The following ANTXR2 variants were observed in gnomAD, a reference collection of about 807,000 sequenced individuals.
ANTXR2 encodes the protein anthrax toxin receptor 2.
Under a neutral mutation model 73.7 loss-of-function variants are expected in ANTXR2, and 44 were observed. The ratio of observed to expected loss-of-function variants is 0.60; its 90% CI spans 0.47 to 0.77. The LOEUF is 0.77. ANTXR2 is among the 30% of genes least tolerant of loss of function. The pLI is 0.00. For missense variants in ANTXR2, 604 were observed against 592.5 expected (o/e 1.02, Z -0.20); for synonymous variants, 217 against 205.9 (o/e 1.05, Z -0.46).
At chr4:80,020,546 T>C (rs968301556) in intron 10 of ANTXR2, among the ~76,000 whole-genome samples, 1 of 152,320 alleles carries the variant, frequency 6.6e-6, no homozygotes, top group Non-Finnish European at 1.5e-5. Flanking sequence ...ACAATAGCCC[T>C]TGAAGTAAAT....
intron 12 of ANTXR2, among the ~76,000 whole-genome samples, chr4:80,006,453 C>T (rs1422670312): frequency 1.3e-5 from 2 of 151,962 alleles, no homozygotes; most frequent in Non-Finnish European, 1.5e-5. Context: ...CTTATATGAA[C>T]TTATAAGGGC....
chr4:80,004,569 T>C (rs1419087424), intron 12 of ANTXR2, among the ~76,000 whole-genome samples: 3 of 152,080 alleles, frequency 2.0e-5, no homozygotes, highest in African/African-American at 7.2e-5. Context: ...TGTGGCTGCA[T>C]CACTCCAATT....
chr4:79,989,385 A>G (rs1297363050), intron 12 of ANTXR2, among the ~76,000 whole-genome samples: 1 of 152,082 alleles, frequency 6.6e-6, no homozygotes, highest in African/African-American at 2.4e-5. Flanking sequence ...TAAAAAATCT[A>G]GAAAAACATG....
At chr4:80,049,221 C>A (rs1733663095) in intron 7 of ANTXR2, among the ~76,000 whole-genome samples, 1 of 151,678 alleles carries the variant, frequency 6.6e-6, no homozygotes, top group Admixed American at 6.6e-5. Context: ...TTTATTCTTT[C>A]CATATTATTC....
At chr4:79,910,555 CA>C (rs1190848131) in intron 16 of ANTXR2, among the ~76,000 whole-genome samples, 3 of 131,544 alleles carry the variant, frequency 2.3e-5, no homozygotes, top group East Asian at 2.1e-4. Context: ...AAAACAAAAA[CA>C]AAAAAAACAG....
At chr4:79,925,028 A>G (rs560346883) in intron 16 of ANTXR2, among the ~76,000 whole-genome samples, 10 of 152,280 alleles carry the variant, frequency 6.6e-5, no homozygotes, top group African/African-American at 2.4e-4. Flanking sequence ...TTAAGATTTA[A>G]ATGTGAAAGA....
intron 16 of ANTXR2, among the ~76,000 whole-genome samples, chr4:79,956,424 A>G (rs1728887629): frequency 6.6e-6 from 1 of 152,114 alleles, no homozygotes; most frequent in Non-Finnish European, 1.5e-5. Flanking sequence ...GACAGCATGG[A>G]ATAACGAGCG....
In ANTXR2 at chr4:80,071,846, G is replaced by A. The variant is rs559664567; in HGVS notation, c.153-192C>T. ...GAAGTCAGTCCCAGAGCAAGACTCC[G>A]TCAAAAAAAAAAAGAAGAAGAAGAA... On this transcript the variant is annotated intron_variant, in intron 1 of 16. Transcript: ENST00000403729. Among the ~76,000 whole-genome samples the A allele has an allele frequency of 3.3e-5, 5 of 151,470 alleles. No homozygotes were observed. In the South Asian group the frequency reaches 1.0e-3, roughly 32 times the overall value.
chr4:80,069,397 C>G (rs1166650105), intron 3 of ANTXR2, 39 bp downstream of exon 3: 1 of 1,468,806 alleles, frequency 6.8e-7, no homozygotes, highest in South Asian at 1.2e-5. Flanking sequence ...TAAAATTCAT[C>G]TCTACTAAAA....
chr4:80,011,433 C>A (rs1731582365), intron 11 of ANTXR2, among the ~76,000 whole-genome samples: 1 of 152,048 alleles, frequency 6.6e-6, no homozygotes, highest in South Asian at 2.1e-4. Flanking sequence ...AACTATGGCA[C>A]AAAGGTCAAA....
At chr4:80,010,048 T>G (rs1459475439) in intron 11 of ANTXR2, among the ~76,000 whole-genome samples, 16 of 10,104 alleles carry the variant, frequency 1.6e-3, no homozygotes, top group East Asian at 0.045. Context: ...GTTTTGTGGT[T>G]TTTTTTTTTA....
At chr4:80,000,083 C>A (rs1279105569) in intron 12 of ANTXR2, among the ~76,000 whole-genome samples, 1 of 151,916 alleles carries the variant, frequency 6.6e-6, no homozygotes, top group Non-Finnish European at 1.5e-5. Flanking sequence ...TTTTTTTCCA[C>A]ATAAATTCAC....
intron 10 of ANTXR2, among the ~76,000 whole-genome samples, chr4:80,029,758 CA>C (rs1266284504): frequency 2.0e-5 from 3 of 151,550 alleles, no homozygotes; most frequent in Middle Eastern, 3.2e-3. Flanking sequence ...AGTTCTACAT[CA>C]GGGGAAGAGC....
At position 80,072,700 on chromosome 4, in the gene ANTXR2, G is replaced by C; in HGVS notation, c.-140C>G. On this transcript the variant is annotated 5_prime_UTR_variant, in exon 1 of 17. Coordinates refer to ENST00000403729, the MANE Select transcript of ANTXR2 (RefSeq NM_058172.6). ...CTGAGACGCCGGCGCCTGCGGCAGC[G>C]GGACCCACCAGCTGACAGGGAGGGA... 7.4e-7 allele frequency: 1 copy of C among 1,344,500 alleles called. No individual in the cohort carries two copies. 83.3% of individuals were successfully genotyped at this position (1,344,500 alleles called of 1,614,324 possible). A position where few individuals can be genotyped will look rare whatever the true frequency, so the allele number is the denominator to read the frequency against.
intron 16 of ANTXR2, among the ~76,000 whole-genome samples, chr4:79,955,000 CAAG>C (rs566719278): frequency 2.6e-4 from 39 of 152,232 alleles, no homozygotes; most frequent in African/African-American, 9.1e-4. Flanking sequence ...TGTTTAATGA[CAAG>C]AACACATTAG....
At chr4:80,070,233 T>C (rs1253288941) in intron 2 of ANTXR2, among the ~76,000 whole-genome samples, 1 of 152,206 alleles carries the variant, frequency 6.6e-6, no homozygotes. Context: ...CTTATACATA[T>C]TTTAAAAGTC....
At chr4:80,058,394 A>G (rs1473155140) in intron 3 of ANTXR2, among the ~76,000 whole-genome samples, 2 of 152,084 alleles carry the variant, frequency 1.3e-5, no homozygotes, top group East Asian at 1.9e-4. Context: ...TCCTAAGAGG[A>G]AAGTGCTCCT....
At chr4:79,976,148 G>A (rs543471074) in intron 16 of ANTXR2, among the ~76,000 whole-genome samples, 3 of 151,926 alleles carry the variant, frequency 2.0e-5, no homozygotes, top group Non-Finnish European at 2.9e-5. Flanking sequence ...TCCTGACCTC[G>A]TGATCCGCCC....
intron 7 of ANTXR2, among the ~76,000 whole-genome samples, chr4:80,041,874 G>A (rs1733281976): frequency 6.6e-6 from 1 of 152,012 alleles, no homozygotes. Context: ...ATCATTGATG[G>A]GCAACTGGGT....
Sources: gnomAD v4.1 joint callset for allele counts (sites outside exome capture counted in the v4.1 genomes callset) on GRCh38, gnomAD v4.1.1 for gene constraint, MANE v1.5 for transcripts, NCBI Gene and HGNC (gene_info 2026-07-23, HGNC 2026-07-21) for gene names.